SIPA1L1: variants seen among roughly 807,000 people sequenced by gnomAD.
SIPA1L1 encodes the protein signal-induced proliferation-associated 1-like protein 1.
In SIPA1L1, 26 loss-of-function variants were observed where a neutral mutation model predicts 162.7. That is an observed-to-expected ratio of 0.16 (90% CI 0.12 to 0.22). The LOEUF is 0.22. SIPA1L1 is among the 10% of genes least tolerant of loss of function. The pLI is 1.00. For missense variants in SIPA1L1, 1,874 were observed against 2,241.0 expected, an observed-to-expected ratio of 0.84 and a Z score of 3.31; for synonymous variants, 829 against 837.4, an observed-to-expected ratio of 0.99 and a Z score of 0.17.
intron 4 of SIPA1L1, among the ~76,000 whole-genome samples, chr14:71,544,315 T>A (rs552681032): frequency 1.3e-5 from 2 of 151,626 alleles, no homozygotes; most frequent in East Asian, 3.9e-4. Context: ...TGTATATACA[T>A]ATATGTATAT....
intron 2 of SIPA1L1, among the ~76,000 whole-genome samples, chr14:71,475,594 A>T (rs866069433): frequency 6.6e-6 from 1 of 152,260 alleles, no homozygotes; most frequent in African/African-American, 2.4e-5. Flanking sequence ...TATTGGGAAC[A>T]TTTGAAAAAT....
At chr14:71,466,593 A>C (rs939771981) in intron 2 of SIPA1L1, among the ~76,000 whole-genome samples, 7 of 152,166 alleles carry the variant, frequency 4.6e-5, no homozygotes, top group Non-Finnish European at 1.0e-4. Context: ...AAAAAAAAAA[A>C]AAACAGTAAT....
intron 6 of SIPA1L1, among the ~76,000 whole-genome samples, chr14:71,620,574 A>G (rs567647644): frequency 2.7e-4 from 41 of 152,126 alleles, no homozygotes; most frequent in African/African-American, 9.2e-4. Flanking sequence ...AAAGTTTCCT[A>G]TGATTCTTTC....
At chr14:71,614,873 A>AT (rs749319893) in intron 5 of SIPA1L1, among the ~76,000 whole-genome samples, 1 of 152,140 alleles carries the variant, frequency 6.6e-6, no homozygotes, top group Non-Finnish European at 1.5e-5. Context: ...CACAATTTGT[A>AT]TTTTGTCTAC....
chr14:71,444,591 G>A (rs2045201710), intron 2 of SIPA1L1, among the ~76,000 whole-genome samples: 1 of 152,058 alleles, frequency 6.6e-6, no homozygotes, highest in Admixed American at 6.6e-5. Flanking sequence ...CTTGGTTGTG[G>A]TTTACTTTTT....
At chr14:71,401,469 CTGTT>C (rs776897098) in intron 2 of SIPA1L1, among the ~76,000 whole-genome samples, 3 of 149,228 alleles carry the variant, frequency 2.0e-5, no homozygotes, top group Non-Finnish European at 4.4e-5. Context: ...TGTTGTTCGT[CTGTT>C]TGTTCAACTC....
intron 12 of SIPA1L1, among the ~76,000 whole-genome samples, chr14:71,681,315 G>A (rs566189621): frequency 1.4e-4 from 21 of 152,246 alleles, no homozygotes; most frequent in African/African-American, 5.1e-4. Flanking sequence ...CGTCATTCCC[G>A]TGACAAGATG....
chr14:71,608,433 G>A (rs1321921536), intron 5 of SIPA1L1, among the ~76,000 whole-genome samples: 1 of 152,034 alleles, frequency 6.6e-6, no homozygotes, highest in Non-Finnish European at 1.5e-5. Context: ...TTACATACAA[G>A]TGTTTCATTG....
intron 2 of SIPA1L1, among the ~76,000 whole-genome samples, chr14:71,403,328 G>A (rs1595258322): frequency 1.3e-5 from 2 of 152,132 alleles, no homozygotes; most frequent in Admixed American, 6.5e-5. Context: ...GGCCTGGCGC[G>A]GTGGCTCACG....
intron 2 of SIPA1L1, among the ~76,000 whole-genome samples, chr14:71,443,725 A>G (rs932997571): frequency 6.6e-6 from 1 of 152,268 alleles, no homozygotes; most frequent in Non-Finnish European, 1.5e-5. Context: ...TTTAAAACCC[A>G]GACTTACAGT....
intron 2 of SIPA1L1, among the ~76,000 whole-genome samples, chr14:71,446,906 G>GTTTTTTTTTTTTTTTTTTTTTTTTTTTTT (rs1189940440): frequency 9.4e-5 from 5 of 53,244 alleles, no homozygotes; most frequent in African/African-American, 4.2e-4. Context: ...TTTTTTTTTT[G>GTTTTTTTTTTTTTTTTTTTTTTTTTTTTT]TTTTTTTTTT....
At chr14:71,583,038 A>C (rs1333348803) in intron 4 of SIPA1L1, among the ~76,000 whole-genome samples, 1 of 152,244 alleles carries the variant, frequency 6.6e-6, no homozygotes, top group East Asian at 1.9e-4. Context: ...AGCTCATCTA[A>C]TATTCAAGTA....
chr14:71,640,776 C>T (rs1248832910), intron 7 of SIPA1L1, among the ~76,000 whole-genome samples: 1 of 152,090 alleles, frequency 6.6e-6, no homozygotes, highest in African/African-American at 2.4e-5. Context: ...AAGTGTGTGC[C>T]CCTACGCCCG....
chr14:71,364,767 A>G (rs552176060), intron 2 of SIPA1L1, among the ~76,000 whole-genome samples: 25 of 150,124 alleles, frequency 1.7e-4, no homozygotes, highest in African/African-American at 5.4e-4. Context: ...TTTTTTTGAG[A>G]CAGAGTCTCA....
At chr14:71,321,256 G>T (rs2032857573) in intron 2 of SIPA1L1, 75 bp downstream of exon 2, 1 of 152,234 alleles carries the variant, frequency 6.6e-6, no homozygotes, top group African/African-American at 2.4e-5. Flanking sequence ...CCCTGTTTCT[G>T]GCCGGGGTTG....
intron 2 of SIPA1L1, among the ~76,000 whole-genome samples, chr14:71,358,479 G>C (rs1482167550): frequency 6.6e-6 from 1 of 152,118 alleles, no homozygotes; most frequent in Non-Finnish European, 1.5e-5. Flanking sequence ...CTTCAGTCTG[G>C]CTCACTTCAT....
chr14:71,525,067 G>A (rs957802356), intron 3 of SIPA1L1, among the ~76,000 whole-genome samples: 2 of 152,040 alleles, frequency 1.3e-5, no homozygotes, highest in Non-Finnish European at 2.9e-5. Flanking sequence ...TCAACCTCCC[G>A]GGCTCAAGTG....
At chr14:71,521,736 G>C (rs1394352041) in intron 3 of SIPA1L1, among the ~76,000 whole-genome samples, 1 of 152,168 alleles carries the variant, frequency 6.6e-6, no homozygotes, top group Non-Finnish European at 1.5e-5. Flanking sequence ...AATAGATGCT[G>C]CCAGTTTTCC....
rs560282361 is a variant in SIPA1L1 at position 71,395,105 on chromosome 14, T to C, written c.-465+73924T>C. 2.1e-4 allele frequency among the ~76,000 whole-genome samples: 32 copies of C among 152,340 alleles called. 1 individual carries two copies. In the South Asian group the frequency reaches 6.4e-3, roughly 31 times the overall value. ...TAGGAAATTTTTCTTAAAAAGAGTT[T>C]GTAATGATTCATAATTTCATCAGAT... On this transcript the variant is annotated intron_variant, in intron 2 of 23. Transcript: ENST00000381232.
Sources: gnomAD v4.1 joint callset for allele counts (sites outside exome capture counted in the v4.1 genomes callset) on GRCh38, gnomAD v4.1.1 for gene constraint, MANE v1.5 for transcripts, NCBI Gene and HGNC (gene_info 2026-07-23, HGNC 2026-07-21) for gene names.